The following BEND2 variants were observed in gnomAD, a reference collection of about 807,000 sequenced individuals.
BEND2 encodes the protein BEN domain-containing protein 2.
Under a neutral mutation model 43.8 loss-of-function variants are expected in BEND2, and 19 were observed. That is an observed-to-expected ratio of 0.43 (90% CI 0.30 to 0.64). The LOEUF (loss-of-function observed/expected upper bound fraction) is 0.64, where lower values mean the gene tolerates loss of function less well. BEND2 is among the 30% of genes least tolerant of loss of function. The pLI is 0.11. For missense variants in BEND2, 544 were observed against 574.0 expected (o/e 0.95, Z 0.53); for synonymous variants, 226 against 210.1 (o/e 1.08, Z -0.66).
intron 1 of BEND2, among the ~76,000 whole-genome samples, chrX:18,217,612 C>T (rs1052197957): frequency 4.5e-5 from 5 of 111,104 alleles, no homozygotes; most frequent in Non-Finnish European, 7.5e-5. Context: ...TGTTTTCTCA[C>T]CCGTAAAAAG....
At chrX:18,199,088 A>G (rs1399934937) in intron 6 of BEND2, among the ~76,000 whole-genome samples, 1 of 101,051 alleles carries the variant, frequency 9.9e-6, no homozygotes, top group Non-Finnish European at 2.0e-5. Context: ...GCATCAGGAG[A>G]TATACCTAAT....
chrX:18,192,614 C>A (rs765403350), intron 7 of BEND2, among the ~76,000 whole-genome samples: 3 of 112,319 alleles, frequency 2.7e-5, no homozygotes, highest in Non-Finnish European at 5.6e-5. Context: ...CAAGAGAAAT[C>A]AAAACTTCTG....
chrX:18,200,405 A>C (rs767024406), intron 6 of BEND2, among the ~76,000 whole-genome samples: 1 of 106,307 alleles, frequency 9.4e-6, no homozygotes, highest in Admixed American at 1.0e-4. Flanking sequence ...CAGGAGGCTG[A>C]GGCATGAGAA....
intron 8 of BEND2, among the ~76,000 whole-genome samples, chrX:18,181,343 G>A (rs182344795): frequency 3.4e-4 from 38 of 111,312 alleles, no homozygotes; most frequent in African/African-American, 1.2e-3. Flanking sequence ...GAGAGCTCAT[G>A]TTGACATGAA....
chrX:18,164,899 A>T lies in BEND2; in HGVS notation c.*110T>A. ...AGGTTTGGCGATTACTACAGGTGTCAATGCAAACTACTCTGCCAGTACAGC... is the reference window on the plus strand; with the variant it reads ...AGGTTTGGCGATTACTACAGGTGTCTATGCAAACTACTCTGCCAGTACAGC... On this transcript the variant is annotated 3_prime_UTR_variant, in exon 14 of 14. Coordinates refer to ENST00000380033, the MANE Select transcript of BEND2 (RefSeq NM_153346.5). The T allele has an allele frequency of 1.2e-6, 1 of 802,265 alleles. No individual in the cohort carries two copies. The highest frequency in any genetic ancestry group is 1.8e-6 in the Non-Finnish European group (1 of 564,667). The allele number at this position is 802,265 out of a possible 1,213,427, so 66.1% of individuals were successfully genotyped here.
chrX:18,218,671 T>G (rs1304787913), intron 1 of BEND2, among the ~76,000 whole-genome samples: 1 of 112,136 alleles, frequency 8.9e-6, no homozygotes, highest in Non-Finnish European at 1.9e-5. Context: ...GAGACCAGCC[T>G]GGCCAACACA....
chrX:18,165,141 G>T lies in BEND2; in HGVS notation c.2268C>A (p.Ser756Arg), dbSNP rs200432137. 1 of 1,207,940 alleles carries T rather than the reference G, an allele frequency of 8.3e-7. No homozygotes were observed. The highest frequency in any genetic ancestry group is 1.8e-5 in the African/African-American group (1 of 56,928). The change falls in exon 14 of 14, where the codon AGC becomes AGA. Residue 756 changes from serine (S) to arginine (R), a missense_variant. Transcript: ENST00000380033. ...DWKSCVTSIN[S>R]GIRSLRHDVR... ...CGTCATGTCTAAGGCTACGGATACC[G>T]CTGTTGATGGAGGTCACACACGACT...
At chrX:18,197,441 T>A (rs1924991795) in intron 6 of BEND2, among the ~76,000 whole-genome samples, 1 of 111,336 alleles carries the variant, frequency 9.0e-6, no homozygotes, top group Non-Finnish European at 1.9e-5. Flanking sequence ...CTCAAAAAAA[T>A]AAAAATAAAA....
chrX:18,200,742 G>C (rs1925117133), intron 6 of BEND2, among the ~76,000 whole-genome samples: 1 of 111,685 alleles, frequency 9.0e-6, no homozygotes, highest in Non-Finnish European at 1.9e-5. Context: ...CATGAGGAAA[G>C]TGAATGTGAT....
intron 9 of BEND2, among the ~76,000 whole-genome samples, chrX:18,178,190 T>C (rs1340500692): frequency 8.9e-6 from 1 of 112,164 alleles, no homozygotes; most frequent in African/African-American, 3.2e-5. Flanking sequence ...GAAGACAATG[T>C]TGAAAGCGTG....
Position 18,163,010 on chromosome X carries a change from G to T in BEND2, c.*1999C>A, listed in dbSNP as rs747289887. On this transcript the variant is annotated 3_prime_UTR_variant, in exon 14 of 14. Coordinates refer to ENST00000380033, the MANE Select transcript of BEND2 (RefSeq NM_153346.5). The stretch of plus-strand genomic sequence containing the variant: ...AGATACATTTATTTATCAAAAATGA[G>T]TCTTATGAGCAGGCATTTAAAATGT... 1.8e-5 allele frequency: 2 copies of T among 112,345 alleles called. No individual in the cohort carries two copies. Among genetic ancestry groups the T allele is most frequent in the Non-Finnish European group, 3.8e-5 (2 of 53,246 alleles). The allele number at this position is 112,345 out of a possible 1,213,427, so 9.3% of individuals were successfully genotyped here. A position where few individuals can be genotyped will look rare whatever the true frequency, so the allele number is the denominator to read the frequency against.
rs940631928 is a variant in BEND2, at chrX:18,203,846, A to T, written c.562T>A (p.Ser188Thr). Residue 188 changes from serine to threonine, a missense_variant, in exon 5 of 14, where the codon TCT (serine) becomes ACT (threonine). Physicochemically the swap from Ser to Thr is moderately conservative, Grantham distance 58. Around this residue, in one of 2 missense-constraint regions of BEND2, gnomAD observed 501 missense variants for 501.6 expected, o/e 1.00. Coordinates refer to ENST00000380033, the MANE Select transcript of BEND2 (RefSeq NM_153346.5). ...THAWASPAVTSLESAACHELQ... is the reference protein window; with the variant it reads ...THAWASPAVTTLESAACHELQ... ...TCATGACATGCTGCTGACTCAAGAG[A>T]TGTTACAGCAGGGCTGGCCCAGGCA... 1 of 1,209,952 alleles carries T rather than the reference A, an allele frequency of 8.3e-7. No individual in the cohort carries two copies. The highest frequency in any genetic ancestry group is 1.1e-6 in the Non-Finnish European group (1 of 893,914).
intron 1 of BEND2, among the ~76,000 whole-genome samples, chrX:18,218,302 T>C (rs764997851): frequency 9.8e-5 from 11 of 111,862 alleles, no homozygotes; most frequent in Non-Finnish European, 1.5e-4. Flanking sequence ...TATTACTGAA[T>C]AGCAAATTTA....
At chrX:18,174,696 C>T (rs764497222) in intron 11 of BEND2, among the ~76,000 whole-genome samples, 2 of 111,548 alleles carry the variant, frequency 1.8e-5, no homozygotes, top group South Asian at 7.5e-4. Context: ...GTGCTGGGCC[C>T]CACCCTAGGC....
chrX:18,202,844 A>G (rs1164948969), intron 5 of BEND2, among the ~76,000 whole-genome samples: 2 of 112,152 alleles, frequency 1.8e-5, no homozygotes, highest in Admixed American at 1.9e-4. Context: ...ATGAATTTTC[A>G]TAGCAGCCTT....
chrX:18,220,441 G>A (rs956679364), intron 1 of BEND2, among the ~76,000 whole-genome samples: 1 of 111,632 alleles, frequency 9.0e-6, no homozygotes, highest in African/African-American at 3.3e-5. Context: ...CAAGAGCCAC[G>A]GAGACGCCAT....
intron 10 of BEND2, among the ~76,000 whole-genome samples, chrX:18,176,844 C>T (rs1475156396): frequency 1.8e-5 from 2 of 111,058 alleles, no homozygotes; most frequent in African/African-American, 6.6e-5. Context: ...TGTCTATCTT[C>T]CCCAGCTCTT....
intron 4 of BEND2, among the ~76,000 whole-genome samples, chrX:18,210,594 A>T (rs1298698627): frequency 8.9e-6 from 1 of 112,386 alleles, no homozygotes; most frequent in Non-Finnish European, 1.9e-5. Context: ...GTCTTCTAGC[A>T]CCAGAACTGC....
In BEND2 at chrX:18,191,486, A is replaced by G. The variant is rs955100532; in HGVS notation, c.1181-378T>C. 1.1e-4 allele frequency among the ~76,000 whole-genome samples: 12 copies of G among 112,215 alleles called. No individual in the cohort carries two copies. The Admixed American group carries it at 1.1e-3, about 11-fold the overall frequency. ...AGTATTTTATAAAACTAAACATACC[A>G]TTACCATAGGACCCAGCAACAGCAC... On this transcript the variant is annotated intron_variant, in intron 7 of 13. Transcript: ENST00000380033.
Sources: gnomAD v4.1 joint callset for allele counts (sites outside exome capture counted in the v4.1 genomes callset) on GRCh38, gnomAD v4.1.1 for gene constraint, gnomAD v4.1.1 regional missense constraint, MANE v1.5 for transcripts, NCBI Gene and HGNC (gene_info 2026-07-23, HGNC 2026-07-21) for gene names.